The following MLLT3 variants were observed in gnomAD, a reference collection of about 807,000 sequenced individuals.
MLLT3 encodes the protein MLLT3 super elongation complex subunit.
MLLT3 carries 4 observed loss-of-function variants against 53.2 expected under a neutral mutation model. That is an observed-to-expected ratio of 0.08 (90% confidence interval 0.04 to 0.17). The LOEUF is 0.17. Ranked by LOEUF, MLLT3 falls within the 10% of genes least tolerant of loss-of-function variation. The probability of loss-of-function intolerance (pLI) is 1.00; values close to 1 mark genes in which losing one functional copy is unlikely to be tolerated. For synonymous variants in MLLT3, 283 were observed against 230.6 expected, an observed-to-expected ratio of 1.23 and a Z score of -2.06; for missense variants, 569 against 684.0, an observed-to-expected ratio of 0.83 and a Z score of 1.87.
rs528124746 is a variant in MLLT3, at chr9:20,482,722, G to A, written c.194-25936C>T. 2.6e-5 allele frequency among the ~76,000 whole-genome samples: 4 copies of A among 152,212 alleles called. No individual in the cohort carries two copies. The East Asian group carries it at 5.8e-4, about 22-fold the overall frequency. ...TAATACTAAGATAATTAGTATAAGAGGCATTAGCGGATTGTTTTCATTTCT... is the reference window on the plus strand; with the variant it reads ...TAATACTAAGATAATTAGTATAAGAAGCATTAGCGGATTGTTTTCATTTCT... On this transcript the variant is annotated intron_variant, in intron 2 of 10. Transcript: ENST00000380338.
chr9:20,613,997 T>C (rs1820763022), intron 2 of MLLT3, among the ~76,000 whole-genome samples: 1 of 152,182 alleles, frequency 6.6e-6, no homozygotes, highest in Non-Finnish European at 1.5e-5. Flanking sequence ...AAAAGAAGTA[T>C]AATAAATCCA....
chr9:20,544,127 T>C (rs1014321495), intron 2 of MLLT3, among the ~76,000 whole-genome samples: 4 of 152,176 alleles, frequency 2.6e-5, no homozygotes, highest in Admixed American at 6.5e-5. Flanking sequence ...CTCCAACAAA[T>C]GGTGCTGAGA....
intron 10 of MLLT3, among the ~76,000 whole-genome samples, chr9:20,349,312 G>A (rs1820952322): frequency 6.6e-6 from 1 of 152,090 alleles, no homozygotes; most frequent in South Asian, 2.1e-4. Flanking sequence ...CATAAATAAA[G>A]CTTCTTATAA....
chr9:20,598,464 T>C (rs1320420370), intron 2 of MLLT3, among the ~76,000 whole-genome samples: 1 of 152,198 alleles, frequency 6.6e-6, no homozygotes, highest in Non-Finnish European at 1.5e-5. Context: ...ACATAAGGCA[T>C]TTCCATCCCA....
At chr9:20,470,180 C>T (rs1824347163) in intron 2 of MLLT3, among the ~76,000 whole-genome samples, 2 of 150,656 alleles carry the variant, frequency 1.3e-5, no homozygotes, top group Non-Finnish European at 3.0e-5. Context: ...TCACTGTGTA[C>T]ACATACTACC....
chr9:20,612,273 G>A (rs1051279949), intron 2 of MLLT3, among the ~76,000 whole-genome samples: 2 of 152,132 alleles, frequency 1.3e-5, no homozygotes. Context: ...GGTAATCGAA[G>A]ATGAAGAATC....
chr9:20,585,217 G>A (rs759460932), intron 2 of MLLT3, among the ~76,000 whole-genome samples: 6 of 152,216 alleles, frequency 3.9e-5, no homozygotes, highest in Admixed American at 6.5e-5. Flanking sequence ...ACTTCTCACC[G>A]TGTCCTCAAA....
At chr9:20,474,050 G>C (rs1291744068) in intron 2 of MLLT3, among the ~76,000 whole-genome samples, 1 of 152,042 alleles carries the variant, frequency 6.6e-6, no homozygotes, top group Non-Finnish European at 1.5e-5. Flanking sequence ...TCGATACTCA[G>C]GACACTGACC....
intron 4 of MLLT3, among the ~76,000 whole-genome samples, chr9:20,438,575 C>T (rs1823464389): frequency 6.6e-6 from 1 of 151,988 alleles, no homozygotes; most frequent in Non-Finnish European, 1.5e-5. Flanking sequence ...TTTGTCACTA[C>T]ACCAAGCTAA....
intron 2 of MLLT3, among the ~76,000 whole-genome samples, chr9:20,527,371 G>A (rs1489594589): frequency 6.6e-6 from 1 of 152,090 alleles, no homozygotes; most frequent in African/African-American, 2.4e-5. Context: ...CTTTCCTAAG[G>A]TTCAAATCTT....
intron 2 of MLLT3, among the ~76,000 whole-genome samples, chr9:20,499,652 A>G (rs753572418): frequency 2.4e-4 from 36 of 152,240 alleles, no homozygotes; most frequent in Non-Finnish European, 4.6e-4. Flanking sequence ...ATTCCTTGCA[A>G]TACAATCAGC....
chr9:20,459,716 T>C (rs555472646), intron 2 of MLLT3, among the ~76,000 whole-genome samples: 3 of 152,320 alleles, frequency 2.0e-5, no homozygotes, highest in South Asian at 4.1e-4. Flanking sequence ...TGAATATCTT[T>C]GGATTTTTTT....
chr9:20,465,189 G>A (rs957223103), intron 2 of MLLT3, among the ~76,000 whole-genome samples: 8 of 152,070 alleles, frequency 5.3e-5, no homozygotes, highest in Non-Finnish European at 1.2e-4. Flanking sequence ...ACAAGGGAGG[G>A]AAATAGTGTT....
intron 4 of MLLT3, among the ~76,000 whole-genome samples, chr9:20,423,797 A>T (rs1229593560): frequency 6.7e-6 from 1 of 150,094 alleles, no homozygotes; most frequent in East Asian, 1.9e-4. Flanking sequence ...AATAAAATTA[A>T]AAAAAAAAAA....
rs1820767362 is a variant in MLLT3, at chr9:20,342,766, G to C, written c.*3677C>G. ...CTTAACATTCACTGCAGCTGTAGTA[G>C]TCTCTACATCATATTCATAGTTTTA... is the stretch of plus-strand genomic sequence containing the variant. On this transcript the variant is annotated 3_prime_UTR_variant, in exon 11 of 11. Transcript: ENST00000380338. 1 of 192,296 alleles carries C rather than the reference G, an allele frequency of 5.2e-6. No homozygotes were observed. The highest frequency in any genetic ancestry group is 1.1e-5 in the Non-Finnish European group (1 of 92,594). The allele number at this position is 192,296 out of a possible 1,614,324, so 11.9% of individuals were successfully genotyped here.
chr9:20,543,095 A>G (rs951666137), intron 2 of MLLT3, among the ~76,000 whole-genome samples: 10 of 152,216 alleles, frequency 6.6e-5, no homozygotes, highest in African/African-American at 2.4e-4. Context: ...CTTTGGCTCA[A>G]GGGAAAATTG....
At chr9:20,349,033 T>C (rs1820945543) in intron 10 of MLLT3, among the ~76,000 whole-genome samples, 1 of 152,208 alleles carries the variant, frequency 6.6e-6, no homozygotes, top group African/African-American at 2.4e-5. Flanking sequence ...TCTTTAGAGC[T>C]ATTATAATTT....
Position 20,345,916 on chromosome 9 carries a change from A to G in MLLT3, c.*527T>C, listed in dbSNP as rs932502083. 8.6e-6 allele frequency: 2 copies of G among 231,668 alleles called. No individual in the cohort carries two copies. The highest frequency in any genetic ancestry group is 4.4e-5 in the African/African-American group (2 of 45,206). 14.4% of individuals were successfully genotyped at this position (231,668 alleles called of 1,614,324 possible). A position where few individuals can be genotyped will look rare whatever the true frequency, so the allele number is the denominator to read the frequency against. ...TGGAAAGTGGCACGGTATACGAGTA[A>G]GGTCACTGGGCTTGGGATGGCAAGG... On this transcript the variant is annotated 3_prime_UTR_variant, in exon 11 of 11. Transcript: ENST00000380338.
chr9:20,599,458 TA>T (rs11354753), intron 2 of MLLT3, among the ~76,000 whole-genome samples: 64,888 of 142,378 alleles, frequency 0.46, 14,561 homozygotes, highest in Middle Eastern at 0.53. Flanking sequence ...ACCAGATGTT[TA>T]AAAAAAAAAA....
Sources: gnomAD v4.1 joint callset for allele counts (sites outside exome capture counted in the v4.1 genomes callset) on GRCh38, gnomAD v4.1.1 for gene constraint, MANE v1.5 for transcripts, NCBI Gene and HGNC (gene_info 2026-07-23, HGNC 2026-07-21) for gene names.